CARMIL1: variants seen among roughly 807,000 people sequenced by gnomAD.
CARMIL1 encodes F-actin-uncapping protein LRRC16A.
In CARMIL1, 90 loss-of-function variants were observed where a neutral mutation model predicts 177.1. The ratio of observed to expected loss-of-function variants is 0.51; its 90% CI spans 0.43 to 0.61. CARMIL1 has a LOEUF of 0.61. CARMIL1 is among the 20% of genes least tolerant of loss of function. The pLI, the probability that CARMIL1 is intolerant of heterozygous loss-of-function variation, is 0.00. For synonymous variants in CARMIL1, 577 were observed against 606.2 expected (o/e 0.95, Z 0.71); for missense variants, 1,380 against 1,667.0 (o/e 0.83, Z 3.00).
At chr6:25,290,466 T>A (rs775688122) in intron 2 of CARMIL1, among the ~76,000 whole-genome samples, 5 of 151,438 alleles carry the variant, frequency 3.3e-5, no homozygotes, top group African/African-American at 4.9e-5. Flanking sequence ...CCCACAGTTC[T>A]GCTGTTGCCT....
intron 8 of CARMIL1, among the ~76,000 whole-genome samples, chr6:25,450,957 C>T (rs1331656567): frequency 1.2e-4 from 3 of 24,008 alleles, no homozygotes; most frequent in Non-Finnish European, 2.5e-4. Context: ...CTCTCCTCTC[C>T]TCTCCTCTCT....
chr6:25,352,076 A>G (rs1305500340), intron 2 of CARMIL1, among the ~76,000 whole-genome samples: 1 of 152,096 alleles, frequency 6.6e-6, no homozygotes, highest in Non-Finnish European at 1.5e-5. Flanking sequence ...ATCAAAACCC[A>G]GCAAGGACTA....
intron 29 of CARMIL1, 98 bp from the exon 30 acceptor site, chr6:25,580,826 A>G: frequency 1.2e-6 from 1 of 856,532 alleles, no homozygotes; most frequent in East Asian, 2.7e-5. Flanking sequence ...AGAAACAACT[A>G]CTGAGTTAAA....
intron 11 of CARMIL1, among the ~76,000 whole-genome samples, chr6:25,481,518 A>G (rs1802119730): frequency 2.6e-5 from 4 of 152,212 alleles, no homozygotes; most frequent in Admixed American, 6.5e-5. Context: ...CCCTGGGGAA[A>G]TGATGGCTCA....
chr6:25,428,360 T>C (rs1796448247), intron 4 of CARMIL1, among the ~76,000 whole-genome samples: 1 of 152,232 alleles, frequency 6.6e-6, no homozygotes, highest in African/African-American at 2.4e-5. Context: ...AATCTATTTC[T>C]GGACTCTGAA....
intron 10 of CARMIL1, among the ~76,000 whole-genome samples, chr6:25,472,025 A>G (rs1801136727): frequency 6.6e-6 from 1 of 152,220 alleles, no homozygotes; most frequent in Non-Finnish European, 1.5e-5. Flanking sequence ...AAACTTAATA[A>G]TTAGTGTAAT....
chr6:25,518,529 A>G (rs933197365), intron 22 of CARMIL1, among the ~76,000 whole-genome samples: 2 of 152,290 alleles, frequency 1.3e-5, no homozygotes, highest in African/African-American at 4.8e-5. Context: ...AGCTTAGACT[A>G]TCAGTTTTGC....
rs1318651225 is a variant in CARMIL1, at chr6:25,284,928, TTTTA to T, written c.138+22_138+25del. On this transcript the variant is annotated intron_variant, in intron 2 of 36. Transcript: ENST00000329474. ...AGTGCTGGTAAGTATTGCTGTTTAT[TTTTA>T]TTAAATGTTTGGAAATGAAAGTGTG... 7.2e-6 allele frequency: 10 copies of T among 1,390,306 alleles called. No homozygotes were observed. Among genetic ancestry groups the T allele is most frequent in the Non-Finnish European group, 1.0e-5 (10 of 1,002,194 alleles). 86.1% of individuals were successfully genotyped at this position (1,390,306 alleles called of 1,614,324 possible).
intron 36 of CARMIL1, among the ~76,000 whole-genome samples, chr6:25,610,654 G>A (rs1816432707): frequency 6.6e-6 from 1 of 152,186 alleles, no homozygotes; most frequent in Non-Finnish European, 1.5e-5. Flanking sequence ...AAGGTCAGAT[G>A]TTCCTTACTC....
At chr6:25,288,939 T>G (rs1781732813) in intron 2 of CARMIL1, among the ~76,000 whole-genome samples, 1 of 152,228 alleles carries the variant, frequency 6.6e-6, no homozygotes, top group Non-Finnish European at 1.5e-5. Flanking sequence ...GCATGAGTTT[T>G]CAGAGCCATT....
chr6:25,479,240 A>T (rs1387440967), intron 11 of CARMIL1: 2 of 518,776 alleles, frequency 3.9e-6, no homozygotes, highest in Non-Finnish European at 7.7e-6. Context: ...TTCTCTCATG[A>T]TGGATGAGCT....
At chr6:25,457,130 C>A (rs369339517) in intron 8 of CARMIL1, among the ~76,000 whole-genome samples, 3 of 152,118 alleles carry the variant, frequency 2.0e-5, no homozygotes, top group South Asian at 4.1e-4. Flanking sequence ...ACCTGGGTGA[C>A]ATGAACTCTG....
At chr6:25,284,624 A>T (rs1467753572) in intron 1 of CARMIL1, among the ~76,000 whole-genome samples, 188 bp from the exon 2 acceptor site, 4 of 152,108 alleles carry the variant, frequency 2.6e-5, no homozygotes, top group Non-Finnish European at 4.4e-5. Context: ...CAGGAGAATC[A>T]CTTGAACCCA....
At chr6:25,514,165 A>G (rs1805721991) in intron 20 of CARMIL1, among the ~76,000 whole-genome samples, 2 of 152,204 alleles carry the variant, frequency 1.3e-5, no homozygotes, top group African/African-American at 2.4e-5. Flanking sequence ...ACCTGCCTTT[A>G]GGCTGCGTGG....
At chr6:25,330,749 C>G (rs1785545253) in intron 2 of CARMIL1, among the ~76,000 whole-genome samples, 1 of 151,918 alleles carries the variant, frequency 6.6e-6, no homozygotes, top group Non-Finnish European at 1.5e-5. Context: ...CATGATTTAC[C>G]CCCTCATTAG....
chr6:25,286,195 T>A (rs1326216880), intron 2 of CARMIL1, among the ~76,000 whole-genome samples: 1 of 152,248 alleles, frequency 6.6e-6, no homozygotes, highest in Non-Finnish European at 1.5e-5. Context: ...TTTTTAATAT[T>A]CCATTGCTTC....
chr6:25,522,536 T>C (rs1046411672), intron 23 of CARMIL1, among the ~76,000 whole-genome samples: 2 of 152,206 alleles, frequency 1.3e-5, no homozygotes, highest in African/African-American at 4.8e-5. Context: ...GACATCCTTT[T>C]TCTTTCCTGA....
intron 12 of CARMIL1, among the ~76,000 whole-genome samples, chr6:25,485,249 A>G (rs1028380426): frequency 3.3e-5 from 5 of 152,098 alleles, no homozygotes; most frequent in African/African-American, 1.2e-4. Flanking sequence ...CCTACGGGCA[A>G]AGCTGGGCTT....
chr6:25,364,572 C>CTTTTTTTTTTTTT (rs199573991), intron 2 of CARMIL1, among the ~76,000 whole-genome samples: 28 of 150,554 alleles, frequency 1.9e-4, no homozygotes, highest in Non-Finnish European at 2.7e-4. Flanking sequence ...TCTTTTTCTT[C>CTTTTTTTTTTTTT]TTTTTTTTGA....
Sources: allele counts gnomAD v4.1 joint callset (sites outside exome capture counted in the v4.1 genomes callset), GRCh38; gene constraint gnomAD v4.1.1; transcripts MANE v1.5; gene names NCBI Gene and HGNC (gene_info 2026-07-23, HGNC 2026-07-21).